The following ZP3 variants were observed in gnomAD, a reference collection of about 807,000 sequenced individuals.
The protein encoded by ZP3 is zona pellucida glycoprotein 3.
In ZP3, 21 loss-of-function variants were observed where a neutral mutation model predicts 35.6. The observed-to-expected ratio is 0.59, with a 90% CI of 0.42 to 0.85. ZP3 has a LOEUF of 0.85. Among genes scored for constraint, ZP3 ranks in the 40% least tolerant of loss-of-function variants. ZP3 has a pLI of 0.00. For missense variants in ZP3, 437 were observed against 536.5 expected, an observed-to-expected ratio of 0.81 and a Z score of 1.83; for synonymous variants, 207 against 214.5, an observed-to-expected ratio of 0.96 and a Z score of 0.31.
At chr7:76,404,401 C>G (rs759437995) in intron 1 of ZP3, 2 of 1,614,080 alleles carry the variant, frequency 1.2e-6, no homozygotes, top group Non-Finnish European at 1.7e-6. Flanking sequence ...GCTTCTCATC[C>G]AGCTGGGGAC....
At chr7:76,400,830 G>A (rs1703814456) in intron 1 of ZP3, among the ~76,000 whole-genome samples, 1 of 152,150 alleles carries the variant, frequency 6.6e-6, no homozygotes, top group South Asian at 2.1e-4. Flanking sequence ...TTGCCATGAA[G>A]CCATGGGAAC....
chr7:76,430,222 T>A (rs767055555), intron 2 of ZP3, among the ~76,000 whole-genome samples: 1 of 151,910 alleles, frequency 6.6e-6, no homozygotes, highest in Non-Finnish European at 1.5e-5. Flanking sequence ...AAAATAATAA[T>A]AAAATAGTGC....
At chr7:76,424,558 G>C (rs1016064102), upstream of ZP3, among the ~76,000 whole-genome samples, 11 of 152,274 alleles carry the variant, frequency 7.2e-5, no homozygotes, top group South Asian at 2.1e-3. Flanking sequence ...ACTTGAACCT[G>C]GCTGAGAAGT....
chr7:76,404,649 G>C, intron 1 of ZP3: 1 of 648,924 alleles, frequency 1.5e-6, no homozygotes, highest in Non-Finnish European at 2.6e-6. Context: ...TTAAAAATGA[G>C]GCCGGGTGTG....
At chr7:76,397,795 C>G in exon 1 of ZP3, 1 of 1,603,136 alleles carries the variant, frequency 6.2e-7, no homozygotes. Flanking sequence ...GGCCCTGACA[C>G]AGGTTCGCGC....
chr7:76,429,556 T>C lies in ZP3; in HGVS notation c.354T>C (p.His118=), dbSNP rs769431095. The C allele has an allele frequency of 3.7e-6, 6 of 1,614,108 alleles. No homozygotes were observed. The highest frequency in any genetic ancestry group is 5.1e-6 in the Non-Finnish European group (6 of 1,180,000). Residue 118 remains histidine (H), a synonymous_variant, in exon 2 of 8, where the codon CAT becomes CAC. Coordinates refer to ENST00000394857, the MANE Select transcript of ZP3 (RefSeq NM_001110354.2). ...DALVYSTFLL[H]DPRPVGNLSI... is the part of the protein sequence containing the mutation. The stretch of plus-strand genomic sequence containing the variant: ...TGGTGTACAGCACCTTCCTGCTCCA[T>C]GACCCCCGCCCCGTGGGAAACCTGT...
At chr7:76,406,237 C>T (rs1007037251) in intron 1 of ZP3, among the ~76,000 whole-genome samples, 8 of 152,246 alleles carry the variant, frequency 5.3e-5, no homozygotes, top group African/African-American at 1.9e-4. Context: ...CTCAGCCTCC[C>T]AAAGTGCTGG....
chr7:76,416,291 T>C (rs980725981), intron 1 of ZP3, among the ~76,000 whole-genome samples: 3 of 150,192 alleles, frequency 2.0e-5, no homozygotes, highest in African/African-American at 7.4e-5. Flanking sequence ...TAACCAAGTA[T>C]GGTGGCGCAC....
chr7:76,425,704 C>T (rs200861954), intron 1 of ZP3, among the ~76,000 whole-genome samples: 1 of 152,252 alleles, frequency 6.6e-6, no homozygotes, highest in East Asian at 1.9e-4. Context: ...GTGGCTCATG[C>T]CTGTAGTCCC....
At chr7:76,429,465 T>A (rs773550860) in intron 1 of ZP3, 50 bp from the exon 2 acceptor site, 4 of 1,577,758 alleles carry the variant, frequency 2.5e-6, no homozygotes, top group Non-Finnish European at 3.5e-6. Flanking sequence ...GGCTTGGGAG[T>A]ACCCGGGCAG....
chr7:76,420,231 G>C (rs891666431), upstream of ZP3, among the ~76,000 whole-genome samples: 1 of 151,468 alleles, frequency 6.6e-6, no homozygotes, highest in African/African-American at 2.4e-5. Context: ...TTGCCCAGCT[G>C]TTCCCAAACT....
rs60553917 is a variant in ZP3, at chr7:76,436,030, CTTTTTTTTTTTTTTTTTT to C, written c.831+1903_831+1920del. On this transcript the variant is annotated intron_variant, in intron 5 of 7. Transcript: ENST00000394857. ...TGAACCACCACGCGCCCCCCGCCCC[CTTTTTTTTTTTTTTTTTT>C]TTTTTTTTTTTTTTTTTTTTTTTTT... Among the ~76,000 whole-genome samples, 615 of 74,328 alleles carry C rather than the reference CTTTTTTTTTTTTTTTTTT, an allele frequency of 8.3e-3. 17 individuals are homozygous for C. The highest frequency in any genetic ancestry group is 0.021 in the Admixed American group (111 of 5,298). The allele number at this position is 74,328 out of a possible 152,430, so 48.8% of individuals were successfully genotyped here. A position where few individuals can be genotyped will look rare whatever the true frequency, so the allele number is the denominator to read the frequency against.
chr7:76,422,556 G>C (rs2115871291), upstream of ZP3, among the ~76,000 whole-genome samples: 1 of 151,868 alleles, frequency 6.6e-6, no homozygotes, highest in East Asian at 2.0e-4. Flanking sequence ...GCAGGCGCCT[G>C]TAATCCCAGC....
At chr7:76,426,167 A>G (rs1805644972) in intron 1 of ZP3, among the ~76,000 whole-genome samples, 1 of 152,050 alleles carries the variant, frequency 6.6e-6, no homozygotes, top group Non-Finnish European at 1.5e-5. Flanking sequence ...TAAAAGCATC[A>G]GTGGGTCCCT....
intron 2 of ZP3, among the ~76,000 whole-genome samples, chr7:76,430,195 G>A (rs1447127798): frequency 6.6e-6 from 1 of 152,078 alleles, no homozygotes; most frequent in African/African-American, 2.4e-5. Context: ...GGGCAACAAA[G>A]CGATACTCCA....
upstream of ZP3, among the ~76,000 whole-genome samples, chr7:76,422,404 C>T (rs79409947): frequency 6.6e-6 from 1 of 152,150 alleles, no homozygotes; most frequent in South Asian, 2.1e-4. Context: ...GGTGGCCAGG[C>T]GCGGTGGCTC....
rs1246962523 is a variant in ZP3 at position 76,440,327 on chromosome 7, C to T, written c.909C>T (p.Ser303=). 2.5e-6 allele frequency: 4 copies of T among 1,607,430 alleles called. No individual in the cohort carries two copies. In the South Asian group the frequency reaches 3.3e-5, roughly 13 times the overall value. The change falls in exon 6 of 8, where the codon AGC becomes AGT. Residue 303 remains serine, a synonymous_variant. Coordinates refer to ENST00000394857, the MANE Select transcript of ZP3 (RefSeq NM_001110354.2). Reference sequence around the variant, plus strand: ...AACTCAACAAGGCCTGTTCCTTCAGCAAGCCTTCCAACAGGTGAGGAGGAC... The same window carrying T: ...AACTCAACAAGGCCTGTTCCTTCAGTAAGCCTTCCAACAGGTGAGGAGGAC... ...PDELNKACSF[S]KPSNSWFPVE... is the part of the protein sequence containing the mutation.
upstream of ZP3, among the ~76,000 whole-genome samples, chr7:76,422,276 C>T (rs888960932): frequency 2.6e-5 from 4 of 152,220 alleles, no homozygotes; most frequent in South Asian, 2.1e-4. Context: ...GGTTCTGCCC[C>T]GCCCACCTCC....
chr7:76,433,355 A>G (rs1805893727), intron 3 of ZP3, 115 bp from the exon 4 acceptor site: 2 of 1,176,116 alleles, frequency 1.7e-6, no homozygotes, highest in Non-Finnish European at 2.4e-6. Context: ...GGGTTTTGCC[A>G]CGTTGGCTAG....
Sources: allele counts gnomAD v4.1 joint callset (sites outside exome capture counted in the v4.1 genomes callset), GRCh38; gene constraint gnomAD v4.1.1; transcripts MANE v1.5; gene names NCBI Gene and HGNC (gene_info 2026-07-23, HGNC 2026-07-21).